Variants in PAPPA observed in about 807,000 individuals in gnomAD.
PAPPA encodes the protein pappalysin-1.
In PAPPA, 60 loss-of-function variants were observed where a neutral mutation model predicts 164.0. The ratio of observed to expected loss-of-function variants is 0.37; its 90% CI spans 0.30 to 0.45. PAPPA has a LOEUF of 0.45. PAPPA is among the 20% of genes least tolerant of loss of function. The probability of loss-of-function intolerance (pLI) is 1.00; values close to 1 mark genes in which losing one functional copy is unlikely to be tolerated. For missense variants in PAPPA, 1,782 were observed against 2,087.3 expected, an observed-to-expected ratio of 0.85 and a Z score of 2.85; for synonymous variants, 875 against 814.1, an observed-to-expected ratio of 1.07 and a Z score of -1.27.
chr9:116,167,123 C>A (rs1472765066), intron 1 of PAPPA, among the ~76,000 whole-genome samples: 2 of 149,904 alleles, frequency 1.3e-5, no homozygotes, highest in Non-Finnish European at 2.9e-5. Context: ...CATTTCCCAC[C>A]TTTAACTAGT....
chr9:116,355,087 C>G (rs1846335578), intron 17 of PAPPA, among the ~76,000 whole-genome samples: 1 of 152,236 alleles, frequency 6.6e-6, no homozygotes, highest in Non-Finnish European at 1.5e-5. Flanking sequence ...TGCCCCTCCT[C>G]AGGTTCCCCC....
At chr9:116,376,566 G>T (rs1323584272) in intron 19 of PAPPA, among the ~76,000 whole-genome samples, 3 of 151,996 alleles carry the variant, frequency 2.0e-5, no homozygotes, top group Non-Finnish European at 1.5e-5. Flanking sequence ...CATCATCATG[G>T]CAAGAAATAA....
At chr9:116,296,718 G>T (rs1233186166) in intron 9 of PAPPA, among the ~76,000 whole-genome samples, 1 of 152,156 alleles carries the variant, frequency 6.6e-6, no homozygotes, top group Non-Finnish European at 1.5e-5. Context: ...CACATTTCAG[G>T]CAGAGAAAAA....
At chr9:116,333,075 CA>C (rs1215561099) in intron 12 of PAPPA, among the ~76,000 whole-genome samples, 1 of 152,086 alleles carries the variant, frequency 6.6e-6, no homozygotes, top group Non-Finnish European at 1.5e-5. Context: ...AGGGGGAGGA[CA>C]AGGGCTGGAC....
chr9:116,215,054 G>A, intron 4 of PAPPA, among the ~76,000 whole-genome samples: 1 of 152,170 alleles, frequency 6.6e-6, no homozygotes, highest in East Asian at 1.9e-4. Context: ...ATAATGCATT[G>A]CTGAAGTGAA....
In PAPPA at chr9:116,347,181, C is replaced by G; in HGVS notation, c.3936C>G (p.Phe1312Leu). The change falls in exon 15 of 22, where the codon TTC (phenylalanine) becomes TTG (leucine). Residue 1312 changes from phenylalanine (F) to leucine (L), a missense_variant. Physicochemically the swap from Phe to Leu is conservative, Grantham distance 22 (BLOSUM62 0). This residue lies in a region of PAPPA where 1,324 missense variants were observed against 1,656.9 expected (regional missense o/e 0.80). Transcript: ENST00000328252. The surrounding 1 kb of genome is among the most constrained non-coding windows in gnomAD (Gnocchi z 4.5). The part of the protein sequence containing the change: ...EGTTFGSQCS[F>L]QCRHPAQLKG... The stretch of plus-strand genomic sequence containing the variant: ...CCACCTTTGGCAGTCAATGTTCCTT[C>G]CAGTGCCGTCACCCTGCACAATTGA... The G allele has an allele frequency of 6.2e-7, 1 of 1,613,646 alleles. No homozygotes were observed. The highest frequency in any genetic ancestry group is 8.5e-7 in the Non-Finnish European group (1 of 1,179,760).
chr9:116,380,419 A>T (rs1243038497), intron 20 of PAPPA, among the ~76,000 whole-genome samples: 5 of 152,124 alleles, frequency 3.3e-5, no homozygotes, highest in Non-Finnish European at 7.4e-5. Flanking sequence ...CCAAATAAAG[A>T]AGTATCACCT....
rs781052175 is a variant in PAPPA at position 116,367,672 on chromosome 9, A to T, written c.4523A>T (p.Asp1508Val). The T allele has an allele frequency of 6.2e-7, 1 of 1,613,930 alleles. No individual in the cohort carries two copies. Among genetic ancestry groups the T allele is most frequent in the African/African-American group, 1.3e-5 (1 of 75,008 alleles). The change falls in exon 19 of 22, where the codon GAC (aspartate) becomes GTC (valine). Residue 1508 changes from aspartate to valine, a missense_variant. Coordinates refer to ENST00000328252, the MANE Select transcript of PAPPA (RefSeq NM_002581.5). ...IGSECATSCL[D>V]HNSESIILPM... ...TCGGAGTGTGCCACCTCGTGCCTGG[A>T]CCACAACAGCGAGTCCATCATCCTG...
At chr9:116,336,371 G>A (rs552439695) in intron 13 of PAPPA, among the ~76,000 whole-genome samples, 46 of 152,276 alleles carry the variant, frequency 3.0e-4, no homozygotes, top group Admixed American at 6.5e-4. Context: ...AAAGTCTGTC[G>A]TAATCTTTCA....
Position 116,335,088 on chromosome 9 carries a change from G to A in PAPPA, c.3611+14G>A, listed in dbSNP as rs1346122638. The A allele has an allele frequency of 1.9e-5, 31 of 1,605,602 alleles. No individual in the cohort carries two copies. The highest frequency in any genetic ancestry group is 2.7e-5 in the African/African-American group (2 of 74,784). Reference sequence around the variant, plus strand: ...TGCCGAGCAGAGGTAAGGGATCCGCGGCAGACTCGCCCTAGGCCACTTGTA... The same window carrying A: ...TGCCGAGCAGAGGTAAGGGATCCGCAGCAGACTCGCCCTAGGCCACTTGTA... On this transcript the variant is annotated intron_variant, in intron 13 of 21. Coordinates refer to ENST00000328252, the MANE Select transcript of PAPPA (RefSeq NM_002581.5).
rs1845392779 is a variant in PAPPA at position 116,289,215 on chromosome 9, ATGT to A, written c.2954-13541_2954-13539del. Among the ~76,000 whole-genome samples the A allele has an allele frequency of 1.1e-3, 4 of 3,588 alleles. 1 individual carries two copies. Among genetic ancestry groups the A allele is most frequent in the Non-Finnish European group, 3.8e-3 (4 of 1,044 alleles). The allele number at this position is 3,588 out of a possible 152,430, so 2.4% of individuals were successfully genotyped here. A position where few individuals can be genotyped will look rare whatever the true frequency, so the allele number is the denominator to read the frequency against. On this transcript the variant is annotated intron_variant, in intron 9 of 21. Coordinates refer to ENST00000328252, the MANE Select transcript of PAPPA (RefSeq NM_002581.5). ...TATATAGCATATATATATAGCATAT[ATGT>A]AGCATATATATATAGCATATATATA...
At chr9:116,350,927 T>C (rs1037640255) in intron 15 of PAPPA, among the ~76,000 whole-genome samples, 27 of 152,230 alleles carry the variant, frequency 1.8e-4, no homozygotes, top group Non-Finnish European at 3.8e-4. Context: ...GAATCCCCTA[T>C]GGGGTTTACA....
intron 9 of PAPPA, among the ~76,000 whole-genome samples, chr9:116,298,537 A>G (rs2118882343): frequency 6.6e-6 from 1 of 152,308 alleles, no homozygotes; most frequent in Middle Eastern, 3.4e-3. Context: ...CAATCCCACT[A>G]TCAGCTAGTC....
chr9:116,215,064 AC>A (rs1250268112), intron 4 of PAPPA, among the ~76,000 whole-genome samples: 1 of 152,218 alleles, frequency 6.6e-6, no homozygotes, highest in African/African-American at 2.4e-5. Flanking sequence ...GCTGAAGTGA[AC>A]TGCAAGGTAT....
intron 7 of PAPPA, among the ~76,000 whole-genome samples, chr9:116,253,671 T>A (rs1430619814): frequency 6.6e-6 from 1 of 152,182 alleles, no homozygotes; most frequent in East Asian, 1.9e-4. Flanking sequence ...AATTAAGGCA[T>A]ACATAGTCAT....
At chr9:116,247,851 C>A (rs1564197894) in intron 7 of PAPPA, among the ~76,000 whole-genome samples, 1 of 152,166 alleles carries the variant, frequency 6.6e-6, no homozygotes, top group Non-Finnish European at 1.5e-5. Context: ...ACTCCCACAC[C>A]AGCACCAGCC....
At position 116,342,539 on chromosome 9, in the gene PAPPA, T is replaced by C. The variant is rs1211464000; in HGVS notation, c.3612-2004T>C. ...GTGATATGCTTTGGAAGCTTTTAGC[T>C]CCCCCCGCCTCCAGACTTTATTTCT... is the stretch of plus-strand genomic sequence containing the variant. On this transcript the variant is annotated intron_variant, in intron 13 of 21. Transcript: ENST00000328252. 3.3e-5 allele frequency among the ~76,000 whole-genome samples: 5 copies of C among 151,886 alleles called. No individual in the cohort carries two copies. The East Asian group carries it at 9.7e-4, about 29-fold the overall frequency.
intron 20 of PAPPA, among the ~76,000 whole-genome samples, chr9:116,379,551 C>CCATA (rs1846699903): frequency 6.6e-6 from 1 of 151,848 alleles, no homozygotes; most frequent in Non-Finnish European, 1.5e-5. Flanking sequence ...ATCCATCCAT[C>CCATA]CATCCATCCA....
At chr9:116,315,466 A>G (rs1358294858) in intron 10 of PAPPA, among the ~76,000 whole-genome samples, 4 of 152,248 alleles carry the variant, frequency 2.6e-5, no homozygotes, top group African/African-American at 9.6e-5. Flanking sequence ...AAATACTGAT[A>G]AATAAATGTT....
Sources: gnomAD v4.1 joint callset for allele counts (sites outside exome capture counted in the v4.1 genomes callset) on GRCh38, gnomAD v4.1.1 for gene constraint, gnomAD v4.1.1 regional missense constraint, Gnocchi (gnomAD v3.1) non-coding constraint, MANE v1.5 for transcripts, NCBI Gene and HGNC (gene_info 2026-07-23, HGNC 2026-07-21) for gene names.